The following CEP63 variants were observed in gnomAD, a reference collection of about 807,000 sequenced individuals.
The protein encoded by CEP63 is centrosomal protein 63.
A neutral mutation model predicts 89.1 loss-of-function variants in CEP63; 84 were observed. The observed-to-expected ratio is 0.94, with a 90% CI of 0.79 to 1.13. CEP63 has a LOEUF of 1.13. Among genes scored for constraint, CEP63 ranks in the 50% most tolerant of loss-of-function variants. The pLI is 0.00. For missense variants in CEP63, 838 were observed against 813.3 expected, an observed-to-expected ratio of 1.03 and a Z score of -0.37; for synonymous variants, 267 against 272.5, an observed-to-expected ratio of 0.98 and a Z score of 0.20.
At chr3:134,510,774 G>A (rs1944663404) in intron 3 of CEP63, 6 of 372,350 alleles carry the variant, frequency 1.6e-5, no homozygotes, top group Non-Finnish European at 2.6e-5. Context: ...TGCCTCTGGT[G>A]TCCCACCCTG....
chr3:134,598,217 C>T, the CEP63 span, among the ~76,000 whole-genome samples: 1 of 152,208 alleles, frequency 6.6e-6, no homozygotes, highest in Non-Finnish European at 1.5e-5. Flanking sequence ...AAACACCCCT[C>T]GTTTCCCTGT....
the CEP63 span, among the ~76,000 whole-genome samples, chr3:134,666,113 G>T: frequency 2.0e-5 from 3 of 152,124 alleles, no homozygotes; most frequent in African/African-American, 7.2e-5. Flanking sequence ...GCGCTGGCTG[G>T]CATCAAAGTG....
At chr3:134,606,168 C>G in the CEP63 span, among the ~76,000 whole-genome samples, 3 of 152,172 alleles carry the variant, frequency 2.0e-5, no homozygotes, top group Non-Finnish European at 4.4e-5. Flanking sequence ...CATCTCACAA[C>G]TGGCTGTGAG....
chr3:134,603,772 T>A, the CEP63 span: 2 of 1,612,648 alleles, frequency 1.2e-6, no homozygotes, highest in Non-Finnish European at 1.7e-6. Context: ...CAGCTTCAAT[T>A]TGAATGGGAC....
At chr3:134,687,885 A>G in the CEP63 span, among the ~76,000 whole-genome samples, 2 of 152,222 alleles carry the variant, frequency 1.3e-5, no homozygotes, top group African/African-American at 4.8e-5. Flanking sequence ...CAACCCACAA[A>G]TAGCTCAAAT....
At chr3:134,528,984 T>G (rs1577083855) in intron 3 of CEP63, among the ~76,000 whole-genome samples, 1 of 152,306 alleles carries the variant, frequency 6.6e-6, no homozygotes, top group Non-Finnish European at 1.5e-5. Context: ...TTCTTGCTAA[T>G]AAAAGCAGTA....
chr3:134,543,615 G>A (rs1952531732), intron 6 of CEP63, among the ~76,000 whole-genome samples: 1 of 152,134 alleles, frequency 6.6e-6, no homozygotes, highest in Non-Finnish European at 1.5e-5. Flanking sequence ...ATAGTGTTAG[G>A]TAGCTATTAC....
chr3:134,559,954 C>G (rs1035011516), intron 14 of CEP63, among the ~76,000 whole-genome samples: 1 of 152,218 alleles, frequency 6.6e-6, no homozygotes, highest in African/African-American at 2.4e-5. Context: ...GCTGCACCAT[C>G]TTTTTGCCTT....
chr3:134,776,762 G>A, the CEP63 span, among the ~76,000 whole-genome samples: 1 of 152,208 alleles, frequency 6.6e-6, no homozygotes. Context: ...TGGAGGTCAT[G>A]GGAGCCAGGC....
the CEP63 span, among the ~76,000 whole-genome samples, chr3:134,626,263 A>G: frequency 1.3e-5 from 2 of 152,218 alleles, no homozygotes; most frequent in African/African-American, 4.8e-5. Flanking sequence ...GGTGTGCTGG[A>G]GAGACCCCAG....
chr3:134,631,718 T>C, the CEP63 span, among the ~76,000 whole-genome samples: 2 of 151,840 alleles, frequency 1.3e-5, no homozygotes, highest in African/African-American at 4.8e-5. Flanking sequence ...TATGGAGATA[T>C]AGTAAAAAAA....
chr3:134,630,913 A>G, the CEP63 span, among the ~76,000 whole-genome samples: 8 of 152,250 alleles, frequency 5.3e-5, no homozygotes, highest in Non-Finnish European at 1.0e-4. Flanking sequence ...AAAAGAAGAT[A>G]TAAAGGAGAA....
At chr3:134,578,324 T>TG (rs1186739756), downstream of CEP63, among the ~76,000 whole-genome samples, 5 of 37,032 alleles carry the variant, frequency 1.4e-4, no homozygotes, top group Non-Finnish European at 3.0e-4. Flanking sequence ...TGACTTGTGT[T>TG]TTTTTTTTTT....
the CEP63 span, among the ~76,000 whole-genome samples, chr3:134,751,092 C>T: frequency 6.6e-6 from 1 of 152,220 alleles, no homozygotes; most frequent in Non-Finnish European, 1.5e-5. Flanking sequence ...TGTGACATTT[C>T]ATGTAACTAG....
At chr3:134,654,139 T>C in the CEP63 span, among the ~76,000 whole-genome samples, 1 of 152,226 alleles carries the variant, frequency 6.6e-6, no homozygotes, top group Non-Finnish European at 1.5e-5. Flanking sequence ...CAGCCCTGCA[T>C]CCGATACTCC....
intron 12 of CEP63, among the ~76,000 whole-genome samples, chr3:134,557,372 A>ATTT (rs1488699483): frequency 2.0e-5 from 1 of 50,428 alleles, no homozygotes; most frequent in East Asian, 9.7e-4. Flanking sequence ...TACTTTCATA[A>ATTT]TTTGTTTTTT....
At chr3:134,737,357 G>C in the CEP63 span, among the ~76,000 whole-genome samples, 1 of 152,040 alleles carries the variant, frequency 6.6e-6, no homozygotes, top group Admixed American at 6.6e-5. Flanking sequence ...AAGGTGAATT[G>C]ATAAGCCAGA....
intron 3 of CEP63, among the ~76,000 whole-genome samples, chr3:134,518,890 T>C (rs753272994): frequency 6.6e-6 from 1 of 151,930 alleles, no homozygotes; most frequent in African/African-American, 2.4e-5. Flanking sequence ...TTAATTAAAT[T>C]GATAACCTTG....
At chr3:134,679,778 AGTGGTGCAACCTC>A in the CEP63 span, among the ~76,000 whole-genome samples, 1 of 152,210 alleles carries the variant, frequency 6.6e-6, no homozygotes, top group Admixed American at 6.5e-5. Context: ...GCTGGAGTGC[AGTGGTGCAACCTC>A]GGCTCACTGC....
Sources: allele counts gnomAD v4.1 joint callset (sites outside exome capture counted in the v4.1 genomes callset), GRCh38; gene constraint gnomAD v4.1.1; transcripts MANE v1.5; gene names NCBI Gene and HGNC (gene_info 2026-07-23, HGNC 2026-07-21).